GPC6: variants seen among roughly 807,000 people sequenced by gnomAD.
GPC6 encodes the protein glypican-6.
In GPC6, 14 loss-of-function variants were observed where a neutral mutation model predicts 55.2. The observed-to-expected ratio is 0.25, with a 90% CI of 0.17 to 0.40. The LOEUF is 0.40. Ranked by LOEUF, GPC6 falls within the 10% of genes least tolerant of loss-of-function variation. The pLI is 1.00. For missense variants in GPC6, 641 were observed against 708.5 expected (o/e 0.90, Z 1.08); for synonymous variants, 278 against 259.6 (o/e 1.07, Z -0.68).
intron 3 of GPC6, among the ~76,000 whole-genome samples, chr13:93,937,403 T>C (rs1466074622): frequency 1.3e-5 from 2 of 152,132 alleles, no homozygotes; most frequent in Admixed American, 6.5e-5. Context: ...AAATTAGTCA[T>C]ATCATTAGAC....
intron 1 of GPC6, among the ~76,000 whole-genome samples, chr13:93,506,239 G>A (rs1388974391): frequency 2.6e-5 from 4 of 152,182 alleles, no homozygotes; most frequent in Non-Finnish European, 5.9e-5. Context: ...TGTATTCTAA[G>A]GTGGATTCAT....
intron 2 of GPC6, among the ~76,000 whole-genome samples, chr13:93,679,095 AAACAT>A (rs1272098606): frequency 1.3e-5 from 2 of 152,178 alleles, no homozygotes. Flanking sequence ...AGAAATTGAG[AAACAT>A]ATTCTGAACC....
intron 2 of GPC6, among the ~76,000 whole-genome samples, chr13:93,553,318 AT>A (rs1875262125): frequency 6.6e-6 from 1 of 152,184 alleles, no homozygotes. Context: ...TTCTAAGAAT[AT>A]GAGAAAAATG....
At chr13:94,323,721 T>C (rs1448584965) in intron 6 of GPC6, among the ~76,000 whole-genome samples, 1 of 152,224 alleles carries the variant, frequency 6.6e-6, no homozygotes, top group African/African-American at 2.4e-5. Context: ...AGATTGCACT[T>C]GAACCCTTTA....
chr13:93,578,156 G>C (rs930286118), intron 2 of GPC6, among the ~76,000 whole-genome samples: 3 of 152,016 alleles, frequency 2.0e-5, no homozygotes, highest in Non-Finnish European at 4.4e-5. Context: ...TTGGCCTGCA[G>C]TTTTCTTTTT....
intron 1 of GPC6, among the ~76,000 whole-genome samples, chr13:93,544,542 T>C (rs1417982740): frequency 6.6e-6 from 1 of 152,208 alleles, no homozygotes; most frequent in African/African-American, 2.4e-5. Context: ...GCCATTTTAA[T>C]TTCATGAAGC....
At chr13:93,419,464 G>T (rs937404348) in intron 1 of GPC6, among the ~76,000 whole-genome samples, 1 of 152,046 alleles carries the variant, frequency 6.6e-6, no homozygotes, top group African/African-American at 2.4e-5. Flanking sequence ...TTCAACCTTT[G>T]TAGTTTGGAA....
intron 4 of GPC6, among the ~76,000 whole-genome samples, chr13:94,089,669 A>G (rs949342213): frequency 1.4e-4 from 21 of 152,220 alleles, no homozygotes; most frequent in African/African-American, 4.1e-4. Flanking sequence ...CTAACTGTGA[A>G]AAGGACACTT....
intron 2 of GPC6, among the ~76,000 whole-genome samples, chr13:93,690,099 A>G (rs1403168958): frequency 6.6e-6 from 1 of 152,106 alleles, no homozygotes; most frequent in East Asian, 1.9e-4. Flanking sequence ...CTTTGAATTA[A>G]CCTTTTGGAA....
intron 2 of GPC6, among the ~76,000 whole-genome samples, chr13:93,594,862 A>C (rs1011377268): frequency 2.6e-5 from 4 of 151,302 alleles, no homozygotes; most frequent in African/African-American, 9.7e-5. Flanking sequence ...TTAGAAGTGC[A>C]CTTATTCTAT....
At chr13:94,378,520 C>G (rs1880006247) in intron 6 of GPC6, among the ~76,000 whole-genome samples, 1 of 152,130 alleles carries the variant, frequency 6.6e-6, no homozygotes, top group Non-Finnish European at 1.5e-5. Context: ...CCCTCTCTTC[C>G]TAATAGAGTC....
intron 2 of GPC6, among the ~76,000 whole-genome samples, chr13:93,755,336 G>C (rs1381695927): frequency 1.3e-5 from 2 of 152,086 alleles, no homozygotes; most frequent in African/African-American, 4.8e-5. Flanking sequence ...TGGAGGCCAT[G>C]GTGGCCCCCA....
upstream of GPC6, among the ~76,000 whole-genome samples, chr13:93,225,944 T>C (rs1875764004): frequency 6.6e-6 from 1 of 152,232 alleles, no homozygotes; most frequent in Non-Finnish European, 1.5e-5. Context: ...TCAGGAGCTC[T>C]GGGTTTCAAC....
At chr13:94,079,627 A>G (rs936797380) in intron 4 of GPC6, among the ~76,000 whole-genome samples, 4 of 152,182 alleles carry the variant, frequency 2.6e-5, no homozygotes, top group African/African-American at 9.6e-5. Flanking sequence ...TTTCAAGTGT[A>G]TGTCCCATGG....
At chr13:93,653,723 A>G (rs934235898) in intron 2 of GPC6, among the ~76,000 whole-genome samples, 1 of 152,094 alleles carries the variant, frequency 6.6e-6, no homozygotes, top group Non-Finnish European at 1.5e-5. Flanking sequence ...AGTAGATTTA[A>G]TCTCAAAGCT....
At chr13:93,748,004 A>G (rs1337716748) in intron 2 of GPC6, among the ~76,000 whole-genome samples, 3 of 152,166 alleles carry the variant, frequency 2.0e-5, no homozygotes, top group South Asian at 2.1e-4. Context: ...TAATGTAAAA[A>G]CAAAAATGTT....
In GPC6 at chr13:93,930,275, G is replaced by GTTTTTTTTTTTTTTTTTT. The variant is rs35858695; in HGVS notation, c.712-97441_712-97440insTTTTTTTTTTTTTTTTTT. 3.0e-3 allele frequency among the ~76,000 whole-genome samples: 377 copies of GTTTTTTTTTTTTTTTTTT among 123,710 alleles called. 18 individuals are homozygous for GTTTTTTTTTTTTTTTTTT. Among genetic ancestry groups the GTTTTTTTTTTTTTTTTTT allele is most frequent in the African/African-American group, 4.4e-3 (136 of 31,252 alleles). 81.2% of individuals were successfully genotyped at this position (123,710 alleles called of 152,430 possible). A position where few individuals can be genotyped will look rare whatever the true frequency, so the allele number is the denominator to read the frequency against. On this transcript the variant is annotated intron_variant, in intron 3 of 8. Transcript: ENST00000377047. ...TTTTAAAGGTTATTGGAAACGAAAG[G>GTTTTTTTTTTTTTTTTTT]TTTTTTTTTTTTTGTAGACAGAGTC...
At chr13:93,712,679 C>A (rs1304964339) in intron 2 of GPC6, among the ~76,000 whole-genome samples, 1 of 151,340 alleles carries the variant, frequency 6.6e-6, no homozygotes, top group South Asian at 2.1e-4. Context: ...TATATTTTGT[C>A]CTGTTTTTTT....
chr13:94,102,636 T>C (rs534083011), intron 4 of GPC6, among the ~76,000 whole-genome samples: 1 of 152,300 alleles, frequency 6.6e-6, no homozygotes, highest in Admixed American at 6.5e-5. Flanking sequence ...TTATGATTTT[T>C]ATCTTATTTA....
Sources: allele counts gnomAD v4.1 joint callset (sites outside exome capture counted in the v4.1 genomes callset), GRCh38; gene constraint gnomAD v4.1.1; transcripts MANE v1.5; gene names NCBI Gene and HGNC (gene_info 2026-07-23, HGNC 2026-07-21).